Variants in CEP126 observed in about 807,000 individuals in gnomAD.
The protein encoded by CEP126 is centrosomal protein of 126 kDa.
In CEP126, 74 loss-of-function variants were observed where a neutral mutation model predicts 107.8. The ratio of observed to expected loss-of-function variants is 0.69; its 90% CI spans 0.57 to 0.83. The LOEUF (loss-of-function observed/expected upper bound fraction) is 0.83. CEP126 is among the 40% of genes least tolerant of loss of function. The pLI is 0.00. For missense variants in CEP126, 1,237 were observed against 1,281.9 expected (o/e 0.96, Z 0.53); for synonymous variants, 449 against 446.0 (o/e 1.01, Z -0.08).
intron 1 of CEP126, among the ~76,000 whole-genome samples, chr11:101,917,625 G>A (rs996703073): frequency 2.0e-5 from 3 of 149,124 alleles, no homozygotes; most frequent in South Asian, 2.1e-4. Flanking sequence ...AAAAAGGAAG[G>A]TCTCTCATGT....
chr11:101,950,109 G>A (rs1387634708), intron 4 of CEP126, among the ~76,000 whole-genome samples: 2 of 152,190 alleles, frequency 1.3e-5, no homozygotes, highest in Non-Finnish European at 1.5e-5. Context: ...AGGGCAAAGA[G>A]AGAATATCCA....
chr11:101,918,777 C>T (rs538894869), intron 1 of CEP126, among the ~76,000 whole-genome samples: 3 of 152,214 alleles, frequency 2.0e-5, no homozygotes, highest in African/African-American at 7.2e-5. Flanking sequence ...GTAGAGAAGA[C>T]ACTTATCATG....
At chr11:101,984,391 C>T (rs1466349054) in intron 8 of CEP126, among the ~76,000 whole-genome samples, 4 of 152,126 alleles carry the variant, frequency 2.6e-5, no homozygotes, top group African/African-American at 9.7e-5. Flanking sequence ...TGTCTGACCT[C>T]ATTACGTAAG....
intron 6 of CEP126, among the ~76,000 whole-genome samples, chr11:101,972,598 C>T (rs910825340): frequency 6.6e-6 from 1 of 151,800 alleles, no homozygotes; most frequent in Non-Finnish European, 1.5e-5. Flanking sequence ...GTCAGGAGTT[C>T]GAGACCAGCC....
intron 2 of CEP126, among the ~76,000 whole-genome samples, chr11:101,940,667 T>G (rs1198945158): frequency 6.6e-6 from 1 of 152,220 alleles, no homozygotes; most frequent in South Asian, 2.1e-4. Context: ...ACATGTCTTG[T>G]GCTAGGCTGA....
chr11:101,959,212 A>G (rs1317286532), intron 5 of CEP126, among the ~76,000 whole-genome samples: 1 of 149,238 alleles, frequency 6.7e-6, no homozygotes, highest in Non-Finnish European at 1.5e-5. Flanking sequence ...GCTGGAGTAC[A>G]GTGGTGCAAT....
In CEP126 at chr11:101,915,135, G is replaced by A; in HGVS notation, c.-150G>A. ...CAGGCACCAGTGCCGCTGCGCGGGA[G>A]CTAGGGCTGTCGAGGCCAACCCTTC... On this transcript the variant is annotated 5_prime_UTR_variant, in exon 1 of 11. Coordinates refer to ENST00000263468, the MANE Select transcript of CEP126 (RefSeq NM_020802.4). 1 of 1,214,694 alleles carries A rather than the reference G, an allele frequency of 8.2e-7. No homozygotes were observed. The highest frequency in any genetic ancestry group is 1.1e-6 in the Non-Finnish European group (1 of 879,244). The allele number at this position is 1,214,694 out of a possible 1,614,324, so 75.2% of individuals were successfully genotyped here. A position where few individuals can be genotyped will look rare whatever the true frequency, so the allele number is the denominator to read the frequency against.
rs560389758 is a variant in CEP126 at position 101,980,878 on chromosome 11, C to T, written c.2959-1011C>T. Among the ~76,000 whole-genome samples the T allele has an allele frequency of 2.0e-5, 3 of 152,322 alleles. No homozygotes were observed. In the South Asian group the frequency reaches 6.2e-4, roughly 32 times the overall value. On this transcript the variant is annotated intron_variant, in intron 7 of 10. Coordinates refer to ENST00000263468, the MANE Select transcript of CEP126 (RefSeq NM_020802.4). ...TGGAGATCAAACAAGACTATGAGAT[C>T]TACTGAAGGAGAGCTGTTGCAAAAA...
At chr11:101,944,539 A>G in intron 3 of CEP126, 129 bp downstream of exon 3, 1 of 833,304 alleles carries the variant, frequency 1.2e-6, no homozygotes. Context: ...CTTTTGAGTA[A>G]AAGCACTTTA....
chr11:101,955,031 T>C (rs1291347010), intron 4 of CEP126, among the ~76,000 whole-genome samples: 1 of 152,086 alleles, frequency 6.6e-6, no homozygotes, highest in East Asian at 1.9e-4. Context: ...ATTATTCTAA[T>C]GTGGAAAATG....
chr11:101,918,202 C>T (rs934470794), intron 1 of CEP126, among the ~76,000 whole-genome samples: 2 of 152,148 alleles, frequency 1.3e-5, no homozygotes, highest in Non-Finnish European at 2.9e-5. Flanking sequence ...AATCCTAGCA[C>T]TTTGGGAGGC....
chr11:101,968,801 A>G (rs911697145), intron 6 of CEP126, among the ~76,000 whole-genome samples: 1 of 152,206 alleles, frequency 6.6e-6, no homozygotes, highest in Non-Finnish European at 1.5e-5. Context: ...AATGACACTA[A>G]CAGAGAAAGA....
At chr11:101,979,761 A>G (rs1941234652) in intron 7 of CEP126, among the ~76,000 whole-genome samples, 1 of 152,134 alleles carries the variant, frequency 6.6e-6, no homozygotes, top group Admixed American at 6.6e-5. Context: ...AATAAATAAA[A>G]TTAAAATTAA....
intron 2 of CEP126, among the ~76,000 whole-genome samples, chr11:101,930,640 T>C (rs970163339): frequency 6.6e-6 from 1 of 152,204 alleles, no homozygotes; most frequent in Admixed American, 6.5e-5. Flanking sequence ...GCCCTGCCCA[T>C]GTCCTGCTGA....
chr11:101,939,714 G>A (rs1940639153), intron 2 of CEP126, among the ~76,000 whole-genome samples: 1 of 152,124 alleles, frequency 6.6e-6, no homozygotes, highest in South Asian at 2.1e-4. Context: ...GTGACATAAA[G>A]GTTTAGTGTC....
intron 2 of CEP126, among the ~76,000 whole-genome samples, chr11:101,930,058 A>G (rs984132578): frequency 6.6e-6 from 1 of 150,962 alleles, no homozygotes; most frequent in Non-Finnish European, 1.5e-5. Flanking sequence ...ATACGAAACA[A>G]AAAGAAAACC....
At chr11:101,927,839 A>G (rs546995035) in intron 2 of CEP126, among the ~76,000 whole-genome samples, 2 of 152,336 alleles carry the variant, frequency 1.3e-5, no homozygotes, top group South Asian at 4.1e-4. Context: ...TCAGTCTATT[A>G]TAAATGAAGT....
chr11:101,950,210 A>T (rs776660970), intron 4 of CEP126, among the ~76,000 whole-genome samples: 2 of 152,230 alleles, frequency 1.3e-5, no homozygotes, highest in Non-Finnish European at 2.9e-5. Context: ...GTGGGGGCAG[A>T]AAATAAATTG....
At chr11:101,958,053 A>G in intron 4 of CEP126, 115 bp from the exon 5 acceptor site, 1 of 820,934 alleles carries the variant, frequency 1.2e-6, no homozygotes, top group Non-Finnish European at 2.0e-6. Context: ...ATATCCTTAT[A>G]TGTGGTTATC....
Sources: allele counts gnomAD v4.1 joint callset (sites outside exome capture counted in the v4.1 genomes callset), GRCh38; gene constraint gnomAD v4.1.1; transcripts MANE v1.5; gene names NCBI Gene and HGNC (gene_info 2026-07-23, HGNC 2026-07-21).